UFD1: variants seen among roughly 807,000 people sequenced by gnomAD.
UFD1 encodes the protein ubiquitin recognition factor in ER-associated degradation protein 1.
In UFD1, 13 loss-of-function variants were observed where a neutral mutation model predicts 45.9. The ratio of observed to expected loss-of-function variants is 0.28; its 90% CI spans 0.18 to 0.45. The LOEUF (loss-of-function observed/expected upper bound fraction) is 0.45. Ranked by LOEUF, UFD1 falls within the 20% of genes least tolerant of loss-of-function variation. The pLI, the probability that UFD1 is intolerant of heterozygous loss-of-function variation, is 1.00. For missense variants in UFD1, 218 were observed against 389.2 expected (o/e 0.56, Z 3.70); for synonymous variants, 128 against 139.2 (o/e 0.92, Z 0.56).
intron 10 of UFD1, 37 bp from the exon 11 acceptor site, chr22:19,454,867 C>T (rs1488811435): frequency 6.3e-7 from 1 of 1,591,520 alleles, no homozygotes; most frequent in Non-Finnish European, 8.5e-7. Flanking sequence ...ATGTTATTTC[C>T]AGGAAAAAAG....
At chr22:19,475,414 A>G (rs972945687) in intron 2 of UFD1, 56 bp downstream of exon 2, 35 of 1,607,042 alleles carry the variant, frequency 2.2e-5, no homozygotes, top group Non-Finnish European at 3.0e-5. Context: ...TGAAGGCTAC[A>G]GCATTGCAGA....
chr22:19,455,225 T>G (rs1601886883), intron 10 of UFD1, among the ~76,000 whole-genome samples: 1 of 151,918 alleles, frequency 6.6e-6, no homozygotes, highest in Non-Finnish European at 1.5e-5. Context: ...AGAGGAAGGG[T>G]CTGCTGTGGG....
intron 6 of UFD1, among the ~76,000 whole-genome samples, chr22:19,462,245 C>T (rs2089772926): frequency 6.6e-6 from 1 of 152,162 alleles, no homozygotes; most frequent in Non-Finnish European, 1.5e-5. Flanking sequence ...AGTGATCCAC[C>T]CACCTCAGCC....
chr22:19,453,729 G>A (rs2089700418), intron 11 of UFD1: 5 of 985,396 alleles, frequency 5.1e-6, no homozygotes, highest in Non-Finnish European at 3.6e-6. Context: ...AGGACCAGGT[G>A]TGCAAACTTC....
At chr22:19,453,959 C>T in intron 11 of UFD1, 1 of 985,596 alleles carries the variant, frequency 1.0e-6, no homozygotes. Context: ...AAAGAGGTGA[C>T]TGCGTTCCAG....
chr22:19,466,383 C>T (rs1402253104), intron 5 of UFD1: 1 of 152,308 alleles, frequency 6.6e-6, no homozygotes, highest in Non-Finnish European at 1.5e-5. Flanking sequence ...GCACCAGCTT[C>T]CCACTTTCTC....
Position 19,477,600 on chromosome 22 carries a change from T to G in UFD1, c.3+1483A>C, listed in dbSNP as rs374895866. Among the ~76,000 whole-genome samples, 58 of 152,350 alleles carry G rather than the reference T, an allele frequency of 3.8e-4. 1 individual carries two copies. Among genetic ancestry groups the G allele is most frequent in the African/African-American group, 1.3e-3 (56 of 41,574 alleles). On this transcript the variant is annotated intron_variant, in intron 1 of 11. Transcript: ENST00000263202. ...TCACTTTTGCAAGATGAAAAAGTTC[T>G]GAAAATCTGTTGCTCGTGAATGTAC...
At chr22:19,478,952 G>A (rs2089920022) in intron 1 of UFD1, 131 bp downstream of exon 1, 2 of 1,279,684 alleles carry the variant, frequency 1.6e-6, no homozygotes, top group Admixed American at 5.9e-5. Flanking sequence ...CGGCCGATGA[G>A]CCTGCAGGCC....
chr22:19,474,863 T>C (rs1043339411), intron 3 of UFD1, among the ~76,000 whole-genome samples: 2 of 152,164 alleles, frequency 1.3e-5, no homozygotes, highest in African/African-American at 4.8e-5. Flanking sequence ...AGGGCAGTGA[T>C]GAAGCTGAGG....
chr22:19,472,626 G>A (rs1029396202), intron 3 of UFD1, among the ~76,000 whole-genome samples: 2 of 152,216 alleles, frequency 1.3e-5, no homozygotes, highest in Admixed American at 6.5e-5. Flanking sequence ...GAGACACTGG[G>A]CCCCCGGGAG....
chr22:19,464,571 C>A (rs902293811), intron 6 of UFD1, among the ~76,000 whole-genome samples: 1 of 152,242 alleles, frequency 6.6e-6, no homozygotes, highest in African/African-American at 2.4e-5. Context: ...TAGATCCAGA[C>A]ACCTAAACAG....
chr22:19,461,972 A>G (rs2089770551), intron 6 of UFD1, among the ~76,000 whole-genome samples: 1 of 152,196 alleles, frequency 6.6e-6, no homozygotes, highest in African/African-American at 2.4e-5. Context: ...GTTTTTAAAC[A>G]TTCAATATGC....
intron 6 of UFD1, among the ~76,000 whole-genome samples, chr22:19,464,650 A>G (rs1764238723): frequency 6.6e-6 from 1 of 152,262 alleles, no homozygotes; most frequent in Non-Finnish European, 1.5e-5. Flanking sequence ...TCAAGCCTAG[A>G]GAAGCTGCTA....
Position 19,475,618 on chromosome 22 carries a change from A to T in UFD1, c.4-16T>A. The T allele has an allele frequency of 6.2e-7, 1 of 1,613,762 alleles. No individual in the cohort carries two copies. The highest frequency in any genetic ancestry group is 8.5e-7 in the Non-Finnish European group (1 of 1,179,870). ...TGAAAGAGAACTAGAAGGAGGAAAG[A>T]GAAACAAGTATTAAAACAAAGGTAC... On this transcript the variant is annotated splice_polypyrimidine_tract_variant and intron_variant, in intron 1 of 11. Transcript: ENST00000263202.
intron 6 of UFD1, among the ~76,000 whole-genome samples, chr22:19,462,526 G>A (rs2089775061): frequency 6.6e-6 from 1 of 152,110 alleles, no homozygotes; most frequent in African/African-American, 2.4e-5. Flanking sequence ...GTAGCCGCAA[G>A]TGGTGGCACA....
chr22:19,468,074 A>G lies in UFD1; in HGVS notation c.292-71T>C, dbSNP rs1013753996. On this transcript the variant is annotated intron_variant, in intron 4 of 11. Coordinates refer to ENST00000263202, the MANE Select transcript of UFD1 (RefSeq NM_005659.7). ...CCTCCACAACCACTGCTCCCTATAC[A>G]CTGGGCAGGCCCGTCTTACTTGGGT... 17 of 1,582,472 alleles carry G rather than the reference A, an allele frequency of 1.1e-5. No individual in the cohort carries two copies. The African/African-American group carries it at 1.8e-4, about 16-fold the overall frequency.
At chr22:19,465,989 TTCC>T (rs1197521498) in intron 5 of UFD1, 2 of 152,262 alleles carry the variant, frequency 1.3e-5, no homozygotes, top group African/African-American at 2.4e-5. Flanking sequence ...TTGCCATGTC[TTCC>T]TCATCAATTT....
chr22:19,454,513 A>T, intron 11 of UFD1: 1 of 898,572 alleles, frequency 1.1e-6, no homozygotes, highest in Non-Finnish European at 1.5e-6. Context: ...GCCTGCTACC[A>T]TCCATGTAAG....
intron 11 of UFD1, chr22:19,451,658 T>C (rs1053557655): frequency 1.0e-6 from 1 of 985,494 alleles, no homozygotes; most frequent in East Asian, 1.1e-4. Context: ...AACTGTAGCA[T>C]GTTATACCTG....
Sources: gnomAD v4.1 joint callset for allele counts (sites outside exome capture counted in the v4.1 genomes callset) on GRCh38, gnomAD v4.1.1 for gene constraint, MANE v1.5 for transcripts, NCBI Gene and HGNC (gene_info 2026-07-23, HGNC 2026-07-21) for gene names.